CTNND2: variants seen among roughly 807,000 people sequenced by gnomAD.
CTNND2 encodes the protein catenin delta-2.
Under a neutral mutation model 144.4 loss-of-function variants are expected in CTNND2, and 22 were observed. That is an observed-to-expected ratio of 0.15 (90% CI 0.11 to 0.22). CTNND2 has a LOEUF of 0.22. Ranked by LOEUF, CTNND2 falls within the 10% of genes least tolerant of loss-of-function variation. CTNND2 has a pLI of 1.00. For missense variants in CTNND2, 1,353 were observed against 1,618.8 expected (o/e 0.84, Z 2.82); for synonymous variants, 751 against 695.6 (o/e 1.08, Z -1.25).
chr5:11,152,461 G>A (rs1430425518), intron 12 of CTNND2, among the ~76,000 whole-genome samples: 1 of 152,186 alleles, frequency 6.6e-6, no homozygotes, highest in Non-Finnish European at 1.5e-5. Context: ...AAGCTATAAC[G>A]TCTAGGTTTG....
chr5:11,455,427 TG>T (rs1765651770), intron 3 of CTNND2, among the ~76,000 whole-genome samples: 3 of 152,180 alleles, frequency 2.0e-5, no homozygotes, highest in African/African-American at 7.2e-5. Context: ...CCATTGTGGG[TG>T]GAAATAATTT....
chr5:11,763,334 G>C (rs1348375926), intron 1 of CTNND2, among the ~76,000 whole-genome samples: 1 of 152,144 alleles, frequency 6.6e-6, no homozygotes, highest in Non-Finnish European at 1.5e-5. Flanking sequence ...ATGAAAATGG[G>C]AGAAACACAC....
chr5:11,368,496 G>C (rs1757179028), intron 7 of CTNND2, among the ~76,000 whole-genome samples: 1 of 152,142 alleles, frequency 6.6e-6, no homozygotes, highest in Non-Finnish European at 1.5e-5. Flanking sequence ...GACCACTGGA[G>C]AATGAAGGGA....
intron 2 of CTNND2, among the ~76,000 whole-genome samples, chr5:11,708,051 A>ATTTTTTT (rs11332164): frequency 7.1e-6 from 1 of 140,824 alleles, no homozygotes. Context: ...TTTAAAGATG[A>ATTTTTTT]TTTTTTTTTT....
intron 9 of CTNND2, among the ~76,000 whole-genome samples, chr5:11,269,273 T>A (rs568320640): frequency 1.8e-4 from 28 of 152,376 alleles, no homozygotes; most frequent in African/African-American, 6.7e-4. Context: ...ACTGAATCAC[T>A]CATCTTTATT....
At chr5:11,152,926 T>C (rs1320610710) in intron 12 of CTNND2, among the ~76,000 whole-genome samples, 3 of 152,124 alleles carry the variant, frequency 2.0e-5, no homozygotes, top group Non-Finnish European at 4.4e-5. Context: ...TCTGTTCCCA[T>C]GTCCACACAG....
intron 16 of CTNND2, 114 bp downstream of exon 16, chr5:11,082,582 A>T: frequency 8.0e-7 from 1 of 1,242,432 alleles, no homozygotes; most frequent in Non-Finnish European, 1.1e-6. Context: ...GGCTGCTAAT[A>T]AATGCACGGC....
intron 2 of CTNND2, among the ~76,000 whole-genome samples, chr5:11,661,459 C>T (rs958574267): frequency 1.3e-5 from 2 of 152,026 alleles, no homozygotes; most frequent in African/African-American, 4.8e-5. Flanking sequence ...TCTACTTAAC[C>T]TTCTGAACTT....
chr5:11,510,844 T>C (rs1581376304), intron 3 of CTNND2, among the ~76,000 whole-genome samples: 1 of 152,096 alleles, frequency 6.6e-6, no homozygotes, highest in African/African-American at 2.4e-5. Context: ...GGCACAAGTA[T>C]TGCTTGAACC....
chr5:11,526,277 G>A (rs560698197), intron 3 of CTNND2, among the ~76,000 whole-genome samples: 1 of 152,252 alleles, frequency 6.6e-6, no homozygotes, highest in African/African-American at 2.4e-5. Flanking sequence ...TATTAGAAGC[G>A]TTTTGGTCTT....
At chr5:11,409,224 AT>A (rs1283178307) in intron 5 of CTNND2, among the ~76,000 whole-genome samples, 1 of 151,876 alleles carries the variant, frequency 6.6e-6, no homozygotes, top group Admixed American at 6.6e-5. Context: ...ATATTAGTAC[AT>A]TTTGCTTACA....
At chr5:11,141,590 C>T (rs997921163) in intron 12 of CTNND2, among the ~76,000 whole-genome samples, 1 of 152,090 alleles carries the variant, frequency 6.6e-6, no homozygotes, top group Admixed American at 6.5e-5. Context: ...AGAAGGCCAG[C>T]TGTGAGAAGA....
chr5:11,587,295 C>T (rs891359365), intron 2 of CTNND2, among the ~76,000 whole-genome samples: 7 of 152,036 alleles, frequency 4.6e-5, no homozygotes, highest in African/African-American at 1.4e-4. Context: ...TTGACTTTCA[C>T]GCCTTAAAAA....
intron 1 of CTNND2, among the ~76,000 whole-genome samples, chr5:11,858,861 G>A (rs879546214): frequency 1.1e-4 from 17 of 152,100 alleles, no homozygotes; most frequent in Admixed American, 2.0e-4. Context: ...CCTGGGAGGC[G>A]GAGCTTGCAG....
chr5:10,974,383 G>A (rs986607937), intron 21 of CTNND2, among the ~76,000 whole-genome samples: 32 of 152,174 alleles, frequency 2.1e-4, no homozygotes, highest in African/African-American at 7.5e-4. Flanking sequence ...GCACCCCCAT[G>A]ATTGTATATA....
chr5:11,742,507 T>C (rs141894006), intron 1 of CTNND2, among the ~76,000 whole-genome samples: 24 of 152,040 alleles, frequency 1.6e-4, no homozygotes, highest in Admixed American at 3.9e-4. Context: ...TTTCAGAGAA[T>C]ACCCCCCTCC....
chr5:11,161,995 C>T (rs1411519947), intron 11 of CTNND2, among the ~76,000 whole-genome samples: 3 of 151,900 alleles, frequency 2.0e-5, no homozygotes, highest in Non-Finnish European at 4.4e-5. Flanking sequence ...ACTAAAAATA[C>T]AAAAAGTAGC....
chr5:11,436,202 G>C (rs1218332788), intron 3 of CTNND2, among the ~76,000 whole-genome samples: 1 of 151,988 alleles, frequency 6.6e-6, no homozygotes, highest in Non-Finnish European at 1.5e-5. Context: ...GGCAACAGAC[G>C]AATGGGAGAA....
chr5:11,505,384 C>T (rs1299458079), intron 3 of CTNND2, among the ~76,000 whole-genome samples: 2 of 152,130 alleles, frequency 1.3e-5, no homozygotes, highest in Non-Finnish European at 2.9e-5. Context: ...GGCACGGGCT[C>T]CTCAGCAAAA....
Sources: gnomAD v4.1 joint callset for allele counts (sites outside exome capture counted in the v4.1 genomes callset) on GRCh38, gnomAD v4.1.1 for gene constraint, MANE v1.5 for transcripts, NCBI Gene and HGNC (gene_info 2026-07-23, HGNC 2026-07-21) for gene names.